TMEM232: variants seen among roughly 807,000 people sequenced by gnomAD.
TMEM232 encodes the protein transmembrane protein 232.
In TMEM232, 80 loss-of-function variants were observed where a neutral mutation model predicts 78.8. That is an observed-to-expected ratio of 1.01 (90% CI 0.85 to 1.22). The LOEUF is 1.22. Ranked by LOEUF, TMEM232 falls within the 50% of genes most tolerant of loss-of-function variation. The pLI is 0.00. For missense variants in TMEM232, 881 were observed against 742.2 expected (o/e 1.19, Z -2.17); for synonymous variants, 297 against 254.3 (o/e 1.17, Z -1.60).
At chr5:110,591,183 C>T (rs963901513) in intron 10 of TMEM232, among the ~76,000 whole-genome samples, 3 of 152,100 alleles carry the variant, frequency 2.0e-5, no homozygotes, top group Non-Finnish European at 2.9e-5. Flanking sequence ...TGAGGCCAAG[C>T]GTGGTGTCTC....
chr5:110,428,672 G>A (rs745386676), intron 12 of TMEM232, among the ~76,000 whole-genome samples: 1 of 149,782 alleles, frequency 6.7e-6, no homozygotes, highest in Non-Finnish European at 1.5e-5. Flanking sequence ...CAGAAGAGTT[G>A]AGTTTAATTT....
Position 110,672,666 on chromosome 5 carries a change from A to C in TMEM232, c.-12-5302T>G, listed in dbSNP as rs139720615. Among the ~76,000 whole-genome samples the C allele has an allele frequency of 1.6e-3, 246 of 152,270 alleles. 1 individual carries two copies. The highest frequency in any genetic ancestry group is 3.5e-3 in the Admixed American group (54 of 15,290). ...ATAAACAAATAAACAAAAAGGTTCA[A>C]AATAATCCTCCCTCCCCCAAAAATA... On this transcript the variant is annotated intron_variant, in intron 1 of 13. Coordinates refer to ENST00000455884, the MANE Select transcript of TMEM232 (RefSeq NM_001039763.4).
chr5:110,687,273 GCCT>G (rs67595934), intron 1 of TMEM232, among the ~76,000 whole-genome samples: 3,885 of 152,176 alleles, frequency 0.026, 85 homozygotes, highest in Non-Finnish European at 0.033. Context: ...CTTAGGAACT[GCCT>G]CTTCTTTCCT....
At chr5:110,533,559 T>C (rs1411392610) in intron 11 of TMEM232, among the ~76,000 whole-genome samples, 3 of 152,240 alleles carry the variant, frequency 2.0e-5, no homozygotes, top group African/African-American at 7.2e-5. Context: ...ACATTTCTCA[T>C]AACTTCCAAA....
intron 12 of TMEM232, among the ~76,000 whole-genome samples, chr5:110,492,651 C>G (rs1281009426): frequency 6.6e-6 from 1 of 151,736 alleles, no homozygotes; most frequent in Non-Finnish European, 1.5e-5. Context: ...TAATATAGTA[C>G]CCAAATATGT....
At chr5:110,681,274 C>G (rs1444422997) in intron 1 of TMEM232, among the ~76,000 whole-genome samples, 2 of 152,030 alleles carry the variant, frequency 1.3e-5, no homozygotes, top group Non-Finnish European at 2.9e-5. Flanking sequence ...TAACTGAGGA[C>G]CAGGGAGGAA....
chr5:110,595,528 T>A (rs992797780), intron 10 of TMEM232, among the ~76,000 whole-genome samples: 1 of 152,078 alleles, frequency 6.6e-6, no homozygotes, highest in Admixed American at 6.5e-5. Context: ...AGAATTTTGA[T>A]AAAAGGTTAC....
At chr5:110,459,270 G>C (rs961329535) in intron 12 of TMEM232, among the ~76,000 whole-genome samples, 4 of 152,026 alleles carry the variant, frequency 2.6e-5, no homozygotes, top group Admixed American at 2.6e-4. Context: ...TAGACTATGT[G>C]GACAAACTCT....
Position 110,425,819 on chromosome 5 carries a change from CTA to C in TMEM232, c.1704-905_1704-904del, listed in dbSNP as rs555168639. ...TTCCTTACCCACTTTACTCTTGTCT[CTA>C]TACAGTAGCCAGAATTGTTTTCAAA... On this transcript the variant is annotated intron_variant, in intron 12 of 13. Coordinates refer to ENST00000455884, the MANE Select transcript of TMEM232 (RefSeq NM_001039763.4). Among the ~76,000 whole-genome samples the C allele has an allele frequency of 2.6e-5, 4 of 152,040 alleles. No individual in the cohort carries two copies. In the South Asian group the frequency reaches 8.3e-4, roughly 32 times the overall value.
intron 13 of TMEM232, among the ~76,000 whole-genome samples, chr5:110,423,413 T>C (rs774131292): frequency 2.0e-4 from 31 of 152,104 alleles, no homozygotes; most frequent in Middle Eastern, 3.2e-3. Flanking sequence ...AAAACACTAT[T>C]GCTACACCCA....
upstream of TMEM232, among the ~76,000 whole-genome samples, chr5:110,728,852 C>CTT (rs36095992): frequency 0.071 from 9,953 of 140,546 alleles, 612 homozygotes; most frequent in East Asian, 0.29. Flanking sequence ...TTTTTTTCTG[C>CTT]TTTTTTTTTT....
chr5:110,628,661 C>CTG (rs1784720718), intron 5 of TMEM232, among the ~76,000 whole-genome samples: 1 of 121,452 alleles, frequency 8.2e-6, no homozygotes, highest in South Asian at 2.6e-4. Context: ...TGTCAGTATC[C>CTG]AGTGTGTGTG....
At chr5:110,468,855 A>T (rs1351338256) in intron 12 of TMEM232, among the ~76,000 whole-genome samples, 2 of 152,190 alleles carry the variant, frequency 1.3e-5, no homozygotes, top group Non-Finnish European at 2.9e-5. Context: ...TTGGATAAAA[A>T]TAACTAAAGG....
In TMEM232 at chr5:110,638,123, C is replaced by T. The variant is rs75505827; in HGVS notation, c.501+75G>A. On this transcript the variant is annotated intron_variant, in intron 5 of 13. Transcript: ENST00000455884. ...ATAAAACTAAATGTTCTGTTTTGATCCTAAAACAGATGTCATGTTGTTACA... is the reference window on the plus strand; with the variant it reads ...ATAAAACTAAATGTTCTGTTTTGATTCTAAAACAGATGTCATGTTGTTACA... The T allele has an allele frequency of 2.8e-3, 3,270 of 1,169,436 alleles. 69 individuals carry two copies. The African/African-American group carries it at 0.046, about 16-fold the overall frequency. 72.4% of individuals were successfully genotyped at this position (1,169,436 alleles called of 1,614,324 possible). A position where few individuals can be genotyped will look rare whatever the true frequency, so the allele number is the denominator to read the frequency against.
chr5:110,396,828 C>CT (rs1273127612), intron 3 of TMEM232, among the ~76,000 whole-genome samples: 1 of 151,990 alleles, frequency 6.6e-6, no homozygotes, highest in African/African-American at 2.4e-5. Flanking sequence ...ATTTTTCTTT[C>CT]TTTTTTGGTT....
intron 2 of TMEM232, among the ~76,000 whole-genome samples, chr5:110,651,535 G>T (rs572461335): frequency 3.2e-4 from 49 of 152,080 alleles, no homozygotes; most frequent in African/African-American, 1.1e-3. Flanking sequence ...GCGGGCTGGG[G>T]ACTAGTTCTC....
intron 12 of TMEM232, among the ~76,000 whole-genome samples, chr5:110,491,626 A>G (rs75881107): frequency 0.027 from 4,059 of 152,138 alleles, 178 homozygotes; most frequent in African/African-American, 0.093. Context: ...TACTGAATTG[A>G]GATATATTTT....
At chr5:110,398,599 A>G (rs540576995) in intron 2 of TMEM232, among the ~76,000 whole-genome samples, 4 of 152,252 alleles carry the variant, frequency 2.6e-5, no homozygotes, top group South Asian at 4.1e-4. Context: ...ATTATGTGCT[A>G]TATGCTCAAT....
chr5:110,688,443 C>T (rs992291135), intron 1 of TMEM232, among the ~76,000 whole-genome samples: 1 of 152,130 alleles, frequency 6.6e-6, no homozygotes, highest in Non-Finnish European at 1.5e-5. Context: ...TGGAATGTAA[C>T]AGAAGTCATT....
Sources: allele counts gnomAD v4.1 joint callset (sites outside exome capture counted in the v4.1 genomes callset), GRCh38; gene constraint gnomAD v4.1.1; transcripts MANE v1.5; gene names NCBI Gene and HGNC (gene_info 2026-07-23, HGNC 2026-07-21).